MMP16: variants seen among roughly 807,000 people sequenced by gnomAD.
MMP16 encodes matrix metallopeptidase 16.
Under a neutral mutation model 67.8 loss-of-function variants are expected in MMP16, and 12 were observed. The observed-to-expected ratio is 0.18, with a 90% confidence interval of 0.11 to 0.29. The LOEUF is 0.29. MMP16 is among the 10% of genes least tolerant of loss of function. The pLI, the probability that MMP16 is intolerant of heterozygous loss-of-function variation, is 1.00. For synonymous variants in MMP16, 249 were observed against 255.9 expected (o/e 0.97, Z 0.26); for missense variants, 475 against 765.7 (o/e 0.62, Z 4.48).
At chr8:88,217,380 T>C (rs1236393649) in intron 1 of MMP16, among the ~76,000 whole-genome samples, 1 of 152,124 alleles carries the variant, frequency 6.6e-6, no homozygotes, top group East Asian at 1.9e-4. Flanking sequence ...TGCCCATTTA[T>C]ATTTACTACT....
chr8:88,177,497 G>A (rs1041313012), intron 3 of MMP16, among the ~76,000 whole-genome samples: 9 of 152,030 alleles, frequency 5.9e-5, no homozygotes, highest in African/African-American at 1.2e-4. Context: ...GGTGGAGGGC[G>A]GGGAGAGAGC....
At chr8:88,287,340 A>C (rs1309624151) in intron 1 of MMP16, among the ~76,000 whole-genome samples, 2 of 152,274 alleles carry the variant, frequency 1.3e-5, no homozygotes, top group Middle Eastern at 6.8e-3. Flanking sequence ...AACCCTCTTC[A>C]TATTTTAAAT....
chr8:88,147,018 A>G (rs538224106), intron 4 of MMP16, among the ~76,000 whole-genome samples: 3 of 152,144 alleles, frequency 2.0e-5, no homozygotes, highest in African/African-American at 7.2e-5. Context: ...CAGATAGTAG[A>G]ATTTTAATTT....
At chr8:88,199,662 C>T (rs1366587417) in intron 1 of MMP16, among the ~76,000 whole-genome samples, 5 of 151,886 alleles carry the variant, frequency 3.3e-5, no homozygotes, top group African/African-American at 9.7e-5. Context: ...GTAGTCTTTG[C>T]ATCTTTTTCA....
At chr8:88,078,924 A>G (rs1467298882) in intron 6 of MMP16, among the ~76,000 whole-genome samples, 1 of 151,848 alleles carries the variant, frequency 6.6e-6, no homozygotes, top group Non-Finnish European at 1.5e-5. Context: ...AGCATCTCAA[A>G]TCTCTTTATT....
At position 88,190,730 on chromosome 8, in the gene MMP16, C is replaced by CAT. The variant is rs199690473; in HGVS notation, c.282-4134_282-4133dup. ...AGTTAACATATAAGTGTATTTTATA[C>CAT]ATATATATATATAGCTTATTACCAA... On this transcript the variant is annotated intron_variant, in intron 2 of 9. Coordinates refer to ENST00000286614, the MANE Select transcript of MMP16 (RefSeq NM_005941.5). Among the ~76,000 whole-genome samples, 847 of 151,386 alleles carry CAT rather than the reference C, an allele frequency of 5.6e-3. 11 individuals are homozygous for CAT. The highest frequency in any genetic ancestry group is 0.032 in the South Asian group (152 of 4,782).
At chr8:88,053,337 G>A (rs1349431269) in intron 8 of MMP16, among the ~76,000 whole-genome samples, 1 of 152,178 alleles carries the variant, frequency 6.6e-6, no homozygotes, top group Non-Finnish European at 1.5e-5. Context: ...AAGTGATCTT[G>A]ATTTTGAATG....
At chr8:88,049,540 G>A (rs559384384) in intron 8 of MMP16, among the ~76,000 whole-genome samples, 8 of 152,118 alleles carry the variant, frequency 5.3e-5, no homozygotes, top group Non-Finnish European at 8.8e-5. Context: ...CTATTTCATG[G>A]ATCCTAAGAA....
intron 2 of MMP16, among the ~76,000 whole-genome samples, chr8:88,191,105 C>A (rs1809162486): frequency 6.6e-6 from 1 of 151,744 alleles, no homozygotes; most frequent in Admixed American, 6.6e-5. Flanking sequence ...ATTAGGTGGG[C>A]AGATCATTAA....
intron 4 of MMP16, among the ~76,000 whole-genome samples, chr8:88,138,226 T>C (rs1285000481): frequency 9.2e-5 from 14 of 151,952 alleles, no homozygotes; most frequent in Admixed American, 8.5e-4. Flanking sequence ...GAAAAAGACT[T>C]AAAATTGGGC....
chr8:88,264,703 C>T (rs1381901983), intron 1 of MMP16, among the ~76,000 whole-genome samples: 1 of 152,160 alleles, frequency 6.6e-6, no homozygotes, highest in African/African-American at 2.4e-5. Flanking sequence ...TGCTCAGAAT[C>T]CCCTGGGCCT....
rs1032307695 is a variant in MMP16, at chr8:88,327,433, G to C, written c.-227C>G. 15 of 510,656 alleles carry C rather than the reference G, an allele frequency of 2.9e-5. No homozygotes were observed. The highest frequency in any genetic ancestry group is 3.9e-5 in the Non-Finnish European group (11 of 280,978). The allele number at this position is 510,656 out of a possible 1,614,324, so 31.6% of individuals were successfully genotyped here. A position where few individuals can be genotyped will look rare whatever the true frequency, so the allele number is the denominator to read the frequency against. ...CAGTAGTTCCTGTTCACCATCCTCCGGGGTCAGTCACCGGGAACGTGGCGC... is the reference window on the plus strand; with the variant it reads ...CAGTAGTTCCTGTTCACCATCCTCCCGGGTCAGTCACCGGGAACGTGGCGC... On this transcript the variant is annotated 5_prime_UTR_variant, in exon 1 of 10. Coordinates refer to ENST00000286614, the MANE Select transcript of MMP16 (RefSeq NM_005941.5).
At chr8:88,095,659 G>A (rs554357153) in intron 6 of MMP16, among the ~76,000 whole-genome samples, 6 of 151,824 alleles carry the variant, frequency 4.0e-5, no homozygotes, top group Non-Finnish European at 8.8e-5. Flanking sequence ...TAAATAATAC[G>A]CTTCAAAACC....
At chr8:88,270,603 A>T (rs1810549493) in intron 1 of MMP16, among the ~76,000 whole-genome samples, 1 of 152,220 alleles carries the variant, frequency 6.6e-6, no homozygotes, top group African/African-American at 2.4e-5. Context: ...AGCAAAAGAG[A>T]TAAGAATTAA....
At chr8:88,229,179 G>A (rs901524386) in intron 1 of MMP16, among the ~76,000 whole-genome samples, 2 of 151,936 alleles carry the variant, frequency 1.3e-5, no homozygotes, top group African/African-American at 4.8e-5. Flanking sequence ...TAATATAGAA[G>A]TGATATGATA....
At chr8:88,255,334 C>T (rs1425000794) in intron 1 of MMP16, among the ~76,000 whole-genome samples, 1 of 152,070 alleles carries the variant, frequency 6.6e-6, no homozygotes, top group Admixed American at 6.6e-5. Context: ...TTCCTGAGGC[C>T]CTCGCCAGAA....
rs114309771 is a variant in MMP16, at chr8:88,098,739, C to T, written c.1083+17768G>A. Among the ~76,000 whole-genome samples, 298 of 152,002 alleles carry T rather than the reference C, an allele frequency of 2.0e-3. 1 individual carries two copies. Among genetic ancestry groups the T allele is most frequent in the African/African-American group, 6.8e-3 (283 of 41,504 alleles). On this transcript the variant is annotated intron_variant, in intron 6 of 9. Transcript: ENST00000286614. ...TCTATTGTGAACACCCGGCTCTCAT[C>T]TGACACCTATCAAAGAAAATACAAG...
At chr8:88,101,050 C>A (rs1331042935) in intron 6 of MMP16, among the ~76,000 whole-genome samples, 1 of 151,752 alleles carries the variant, frequency 6.6e-6, no homozygotes, top group East Asian at 2.0e-4. Context: ...GTGCAACACA[C>A]CAACATGGCA....
At chr8:88,239,074 T>G (rs1809991753) in intron 1 of MMP16, among the ~76,000 whole-genome samples, 1 of 152,132 alleles carries the variant, frequency 6.6e-6, no homozygotes, top group Non-Finnish European at 1.5e-5. Context: ...TCCACCTTCA[T>G]CCATTTCTAC....
Sources: allele counts gnomAD v4.1 joint callset (sites outside exome capture counted in the v4.1 genomes callset), GRCh38; gene constraint gnomAD v4.1.1; transcripts MANE v1.5; gene names NCBI Gene and HGNC (gene_info 2026-07-23, HGNC 2026-07-21).